TTC28: variants seen among roughly 807,000 people sequenced by gnomAD.
TTC28 encodes the protein tetratricopeptide repeat protein 28.
In TTC28, 61 loss-of-function variants were observed where a neutral mutation model predicts 198.0. That is an observed-to-expected ratio of 0.31 (90% CI 0.25 to 0.38). The LOEUF (loss-of-function observed/expected upper bound fraction) is 0.38, where lower values mean the gene tolerates loss of function less well. TTC28 is among the 10% of genes least tolerant of loss of function. The pLI is 1.00. For missense variants in TTC28, 2,678 were observed against 3,164.0 expected (o/e 0.85, Z 3.69); for synonymous variants, 1,171 against 1,297.8 (o/e 0.90, Z 2.10).
chr22:28,408,752 A>G (rs2047037062), intron 2 of TTC28, among the ~76,000 whole-genome samples: 1 of 152,216 alleles, frequency 6.6e-6, no homozygotes, highest in Admixed American at 6.5e-5. Context: ...TACAATGACT[A>G]CAGGCCACCA....
At chr22:28,376,468 G>A (rs1209220447) in intron 2 of TTC28, among the ~76,000 whole-genome samples, 1 of 152,054 alleles carries the variant, frequency 6.6e-6, no homozygotes, top group Non-Finnish European at 1.5e-5. Context: ...TTCTGCTTCT[G>A]GCAAGATGGA....
chr22:28,644,605 A>T (rs1210013282), intron 1 of TTC28, among the ~76,000 whole-genome samples: 1 of 151,896 alleles, frequency 6.6e-6, no homozygotes, highest in African/African-American at 2.4e-5. Flanking sequence ...CGGGCAAATC[A>T]CTTGAGCTCA....
At chr22:28,434,620 C>G (rs749714612) in intron 2 of TTC28, among the ~76,000 whole-genome samples, 9 of 152,182 alleles carry the variant, frequency 5.9e-5, no homozygotes, top group Non-Finnish European at 1.0e-4. Context: ...CACCATCACT[C>G]ACTGTGACAT....
chr22:28,043,473 A>G (rs1385891860), intron 12 of TTC28, among the ~76,000 whole-genome samples: 7 of 151,954 alleles, frequency 4.6e-5, no homozygotes, highest in African/African-American at 7.2e-5. Flanking sequence ...GGAGCCATCC[A>G]AGGTGGCTAT....
chr22:28,161,431 T>G (rs1057049798), intron 6 of TTC28, among the ~76,000 whole-genome samples: 2 of 152,098 alleles, frequency 1.3e-5, no homozygotes, highest in African/African-American at 2.4e-5. Context: ...GCAGGTTGCT[T>G]GAGCCCAAGA....
intron 2 of TTC28, among the ~76,000 whole-genome samples, chr22:28,313,280 G>A (rs1370560819): frequency 6.6e-6 from 1 of 152,098 alleles, no homozygotes; most frequent in Non-Finnish European, 1.5e-5. Context: ...TTCTACCAGA[G>A]GTACAAAGAG....
chr22:28,655,700 ACTTAGCCAGGCGCCGTGG>A (rs1487362134), intron 1 of TTC28, among the ~76,000 whole-genome samples: 1 of 151,922 alleles, frequency 6.6e-6, no homozygotes, highest in Non-Finnish European at 1.5e-5. Flanking sequence ...AAATACAAAA[ACTTAGCCAGGCGCCGTGG>A]CGGGCGCCTG....
At chr22:28,266,648 A>C (rs1274322304) in intron 5 of TTC28, among the ~76,000 whole-genome samples, 1 of 152,186 alleles carries the variant, frequency 6.6e-6, no homozygotes, top group Non-Finnish European at 1.5e-5. Context: ...TCAGATATGC[A>C]AGACAGGCTG....
intron 2 of TTC28, among the ~76,000 whole-genome samples, chr22:28,598,280 G>A (rs2050574638): frequency 6.6e-6 from 1 of 151,752 alleles, no homozygotes; most frequent in Non-Finnish European, 1.5e-5. Context: ...GGAGGCCGAG[G>A]TGGGTGGATC....
intron 2 of TTC28, among the ~76,000 whole-genome samples, chr22:28,555,182 A>T (rs1261823419): frequency 6.6e-6 from 1 of 152,230 alleles, no homozygotes; most frequent in Non-Finnish European, 1.5e-5. Flanking sequence ...AATAGCCATA[A>T]TGAAAAAATA....
At chr22:28,519,053 C>A (rs974497406) in intron 2 of TTC28, among the ~76,000 whole-genome samples, 1 of 152,206 alleles carries the variant, frequency 6.6e-6, no homozygotes, top group Non-Finnish European at 1.5e-5. Flanking sequence ...ATTTTTACAA[C>A]CTTGGTTATG....
chr22:28,109,563 T>C (rs1374264855), intron 6 of TTC28, among the ~76,000 whole-genome samples: 3 of 152,252 alleles, frequency 2.0e-5, no homozygotes, highest in Non-Finnish European at 1.5e-5. Context: ...AACCATATTA[T>C]AGCTGCTAAG....
chr22:28,018,958 C>G (rs187236097), intron 13 of TTC28, among the ~76,000 whole-genome samples: 1 of 152,362 alleles, frequency 6.6e-6, no homozygotes, highest in Admixed American at 6.5e-5. Flanking sequence ...AGCTCCCTTT[C>G]ACATGCAGTT....
At chr22:28,089,436 T>A (rs1207610425) in intron 12 of TTC28, among the ~76,000 whole-genome samples, 1 of 151,410 alleles carries the variant, frequency 6.6e-6, no homozygotes, top group Non-Finnish European at 1.5e-5. Context: ...ACACCGCATA[T>A]TCTCACTCAT....
At chr22:28,251,841 T>C (rs1047608755) in intron 5 of TTC28, among the ~76,000 whole-genome samples, 1 of 152,184 alleles carries the variant, frequency 6.6e-6, no homozygotes, top group Non-Finnish European at 1.5e-5. Flanking sequence ...TCTCTCTCAG[T>C]ATTCCATATT....
intron 2 of TTC28, among the ~76,000 whole-genome samples, chr22:28,335,970 T>C (rs975846845): frequency 6.6e-6 from 1 of 152,198 alleles, no homozygotes; most frequent in African/African-American, 2.4e-5. Flanking sequence ...ATATTGGCTG[T>C]GGGTTTGTCA....
At chr22:27,998,510 ACAGG>A (rs1569075181) in intron 16 of TTC28, 26 bp downstream of exon 16, 1 of 1,532,844 alleles carries the variant, frequency 6.5e-7, no homozygotes, top group Non-Finnish European at 8.8e-7. Flanking sequence ...CCAGGCCTTG[ACAGG>A]CACCCGCAGC....
chr22:28,029,637 T>A (rs1461468892), intron 13 of TTC28, among the ~76,000 whole-genome samples: 1 of 152,160 alleles, frequency 6.6e-6, no homozygotes, highest in African/African-American at 2.4e-5. Flanking sequence ...AAGAAAAAGA[T>A]GAAGGGGTGT....
chr22:28,584,246 C>T (rs531323252), intron 2 of TTC28, among the ~76,000 whole-genome samples: 1 of 152,238 alleles, frequency 6.6e-6, no homozygotes, highest in Admixed American at 6.5e-5. Flanking sequence ...CCTCATTATT[C>T]CAACATAATG....
Sources: allele counts gnomAD v4.1 joint callset (sites outside exome capture counted in the v4.1 genomes callset), GRCh38; gene constraint gnomAD v4.1.1; transcripts MANE v1.5; gene names NCBI Gene and HGNC (gene_info 2026-07-23, HGNC 2026-07-21).